PCDHGB2: variants seen among roughly 807,000 people sequenced by gnomAD.
The protein encoded by PCDHGB2 is protocadherin gamma subfamily B, 2.
A neutral mutation model predicts 59.3 loss-of-function variants in PCDHGB2; 55 were observed. That is an observed-to-expected ratio of 0.93 (90% CI 0.75 to 1.16). The LOEUF is 1.16. Ranked by LOEUF, PCDHGB2 falls within the 50% of genes most tolerant of loss-of-function variation. The pLI, the probability that PCDHGB2 is intolerant of heterozygous loss-of-function variation, is 0.00. For synonymous variants in PCDHGB2, 516 were observed against 512.0 expected (o/e 1.01, Z -0.11); for missense variants, 1,228 against 1,198.5 (o/e 1.02, Z -0.36).
At position 141,487,666 on chromosome 5, in the gene PCDHGB2, C is replaced by T. The variant is rs2099657736; in HGVS notation, c.2422-7141C>T. 1 of 1,612,838 alleles carries T rather than the reference C, an allele frequency of 6.2e-7. No homozygotes were observed. Among genetic ancestry groups the T allele is most frequent in the South Asian group, 1.1e-5 (1 of 90,712 alleles). Reference sequence around the variant, plus strand: ...TGCTTGAGGGTTATTCTGATCCAGGCATATGGCTAGGCCATGTCCTAGAGA... The same window carrying T: ...TGCTTGAGGGTTATTCTGATCCAGGTATATGGCTAGGCCATGTCCTAGAGA... On this transcript the variant is annotated intron_variant, in intron 1 of 3. Coordinates refer to ENST00000522605, the MANE Select transcript of PCDHGB2 (RefSeq NM_018923.3). This position sits in a 1 kb window ranked among gnomAD's most constrained non-coding sequence, Gnocchi z 5.0.
intron 1 of PCDHGB2, chr5:141,372,352 C>T (rs1300220406): frequency 6.2e-7 from 1 of 1,613,912 alleles, no homozygotes; most frequent in South Asian, 1.1e-5. Flanking sequence ...GGACAGCAGC[C>T]TCTTTCAGCC....
At chr5:141,375,275 G>A in intron 1 of PCDHGB2, 1 of 1,613,902 alleles carries the variant, frequency 6.2e-7, no homozygotes. Context: ...GGAAAAATCA[G>A]TTGGCAATTA....
chr5:141,438,901 G>A (rs1039951275), intron 1 of PCDHGB2, among the ~76,000 whole-genome samples: 2 of 151,746 alleles, frequency 1.3e-5, no homozygotes, highest in African/African-American at 2.4e-5. Flanking sequence ...CCTGACCTCA[G>A]GTGATCCACC....
Position 141,491,763 on chromosome 5 carries a change from T to A in PCDHGB2, c.2422-3044T>A. 1 of 1,570,222 alleles carries A rather than the reference T, an allele frequency of 6.4e-7. No individual in the cohort carries two copies. The highest frequency in any genetic ancestry group is 8.6e-7 in the Non-Finnish European group (1 of 1,159,286). On this transcript the variant is annotated intron_variant, in intron 1 of 3. Transcript: ENST00000522605. This position sits in a 1 kb window ranked among gnomAD's most constrained non-coding sequence, Gnocchi z 6.9. ...GCGGCACTGGAGAAGCCGCCCGTCC[T>A]CATAAGGGATTGAACTTGCATCCAC... is the stretch of plus-strand genomic sequence containing the variant.
At chr5:141,394,861 A>G in intron 1 of PCDHGB2, 1 of 1,613,390 alleles carries the variant, frequency 6.2e-7, no homozygotes. Flanking sequence ...CCTTCGGTCG[A>G]CCCGAACGAT....
chr5:141,444,902 G>A (rs1442325957), intron 1 of PCDHGB2, among the ~76,000 whole-genome samples: 1 of 152,160 alleles, frequency 6.6e-6, no homozygotes, highest in Non-Finnish European at 1.5e-5. Context: ...GGATGGCATT[G>A]CATCTATACC....
intron 1 of PCDHGB2, among the ~76,000 whole-genome samples, chr5:141,434,259 G>A (rs1452016594): frequency 6.6e-6 from 1 of 152,230 alleles, no homozygotes; most frequent in Non-Finnish European, 1.5e-5. Flanking sequence ...CATTGTGGGG[G>A]AGGTGGAAAT....
At chr5:141,483,534 G>C (rs754118568) in intron 1 of PCDHGB2, among the ~76,000 whole-genome samples, 1 of 152,102 alleles carries the variant, frequency 6.6e-6, no homozygotes, top group Non-Finnish European at 1.5e-5. Flanking sequence ...AAGGAAGCTG[G>C]GTGGTTGACA....
chr5:141,394,633 G>A (rs1026935408), intron 1 of PCDHGB2: 57 of 1,613,274 alleles, frequency 3.5e-5, no homozygotes, highest in Middle Eastern at 1.7e-4. Flanking sequence ...CTGTCCTACC[G>A]CCTGCTCAAG....
At chr5:141,462,144 G>A (rs984269848) in intron 1 of PCDHGB2, among the ~76,000 whole-genome samples, 1 of 152,042 alleles carries the variant, frequency 6.6e-6, no homozygotes, top group South Asian at 2.1e-4. Context: ...ATTTTTAGTA[G>A]AGATGGGGTT....
At chr5:141,451,170 A>G (rs960062747) in intron 1 of PCDHGB2, among the ~76,000 whole-genome samples, 8 of 152,148 alleles carry the variant, frequency 5.3e-5, no homozygotes, top group East Asian at 3.9e-4. Flanking sequence ...GTAGTATATT[A>G]TTTAGCCATT....
chr5:141,360,319 C>A lies in PCDHGB2; in HGVS notation c.184C>A (p.Pro62Thr), dbSNP rs1761531908. The A allele has an allele frequency of 1.2e-6, 2 of 1,613,782 alleles. No individual in the cohort carries two copies. The highest frequency in any genetic ancestry group is 2.7e-5 in the African/African-American group (2 of 74,888). The change falls in exon 1 of 4, where the codon CCA becomes ACA. Residue 62 changes from proline to threonine, a missense_variant. Pro to Thr is a conservative substitution (Grantham distance 38). Coordinates refer to ENST00000522605, the MANE Select transcript of PCDHGB2 (RefSeq NM_018923.3). ...TCTGGGGCTCAGCGTCCGGGACTTG[C>A]CAGCCCGGAAGCTGCGGGTTAGCGC... The part of the protein sequence containing the change: ...KDLGLSVRDL[P>T]ARKLRVSAEK...
At chr5:141,403,773 AC>A (rs2094454199) in intron 1 of PCDHGB2, 1 of 1,613,838 alleles carries the variant, frequency 6.2e-7, no homozygotes, top group South Asian at 1.1e-5. Flanking sequence ...GAGGGAATCA[AC>A]GGAAAAGTGG....
rs950537869 is a variant in PCDHGB2, at chr5:141,432,150, A to G, written c.2422-62657A>G. 6.2e-7 allele frequency: 1 copy of G among 1,614,010 alleles called. No homozygotes were observed. On this transcript the variant is annotated intron_variant, in intron 1 of 3. Coordinates refer to ENST00000522605, the MANE Select transcript of PCDHGB2 (RefSeq NM_018923.3). The surrounding 1 kb of genome is among the most constrained non-coding windows in gnomAD (Gnocchi z 6.0). ...TCCTATTCCGCTTATATCCCAGAGA[A>G]CAATCCCAGAGGAGTTTCCCTCGTC...
intron 1 of PCDHGB2, among the ~76,000 whole-genome samples, chr5:141,435,619 T>A (rs2097772280): frequency 6.6e-6 from 1 of 152,190 alleles, no homozygotes; most frequent in Non-Finnish European, 1.5e-5. Context: ...AAATTCCCCA[T>A]AACTTTTACA....
intron 1 of PCDHGB2, among the ~76,000 whole-genome samples, chr5:141,381,833 T>C (rs1385600494): frequency 7.2e-5 from 10 of 138,622 alleles, no homozygotes; most frequent in African/African-American, 2.5e-4. Context: ...CTTCTTTTTT[T>C]TTTTTTTTTT....
intron 1 of PCDHGB2, 87 bp downstream of exon 1, chr5:141,362,643 G>A: frequency 6.8e-7 from 1 of 1,460,260 alleles, no homozygotes; most frequent in Non-Finnish European, 9.1e-7. Flanking sequence ...TTCTTTGTCT[G>A]TGAGTTAGAT....
At chr5:141,463,738 G>A (rs1002263384) in intron 1 of PCDHGB2, among the ~76,000 whole-genome samples, 4 of 151,978 alleles carry the variant, frequency 2.6e-5, no homozygotes, top group Admixed American at 2.6e-4. Flanking sequence ...GAGCCACCGC[G>A]CCCGGCCTGC....
chr5:141,432,887 T>A lies in PCDHGB2; in HGVS notation c.2422-61920T>A, dbSNP rs146168033. On this transcript the variant is annotated intron_variant, in intron 1 of 3. Coordinates refer to ENST00000522605, the MANE Select transcript of PCDHGB2 (RefSeq NM_018923.3). The surrounding 1 kb of genome is among the most constrained non-coding windows in gnomAD (Gnocchi z 6.0). ...CTGCGTCTTCCTGGCCTTCGTCATC[T>A]TGCTGCTGGCGCTCAGGCTGCGGCG... 1.2e-6 allele frequency: 2 copies of A among 1,614,056 alleles called. No homozygotes were observed. Among genetic ancestry groups the A allele is most frequent in the Non-Finnish European group, 1.7e-6 (2 of 1,179,998 alleles).
Sources: gnomAD v4.1 joint callset for allele counts (sites outside exome capture counted in the v4.1 genomes callset) on GRCh38, gnomAD v4.1.1 for gene constraint, Gnocchi (gnomAD v3.1) non-coding constraint, MANE v1.5 for transcripts, NCBI Gene and HGNC (gene_info 2026-07-23, HGNC 2026-07-21) for gene names.